Variants in STK3 observed in about 807,000 individuals in gnomAD.
The protein encoded by STK3 is serine/threonine-protein kinase 3.
STK3 carries 41 observed loss-of-function variants against 58.0 expected under a neutral mutation model. The ratio of observed to expected loss-of-function variants is 0.71; its 90% CI spans 0.55 to 0.92. STK3 has a LOEUF of 0.92. Ranked by LOEUF, STK3 falls within the 40% of genes least tolerant of loss-of-function variation. The pLI, the probability that STK3 is intolerant of heterozygous loss-of-function variation, is 0.00. For missense variants in STK3, 479 were observed against 602.7 expected, an observed-to-expected ratio of 0.79 and a Z score of 2.15; for synonymous variants, 170 against 191.0, an observed-to-expected ratio of 0.89 and a Z score of 0.91.
chr8:98,716,923 G>T (rs1442910879), intron 4 of STK3, among the ~76,000 whole-genome samples: 1 of 152,030 alleles, frequency 6.6e-6, no homozygotes, highest in Non-Finnish European at 1.5e-5. Flanking sequence ...AATAGGAAAT[G>T]AACAGTATTT....
intron 1 of STK3, among the ~76,000 whole-genome samples, chr8:98,803,614 A>G (rs1341851224): frequency 6.0e-5 from 9 of 150,806 alleles, no homozygotes; most frequent in East Asian, 1.9e-4. Flanking sequence ...AAAAAGAAAA[A>G]AAAAGAAAAG....
At chr8:98,685,921 T>C (rs938360440) in intron 6 of STK3, among the ~76,000 whole-genome samples, 1 of 152,144 alleles carries the variant, frequency 6.6e-6, no homozygotes, top group Non-Finnish European at 1.5e-5. Flanking sequence ...AAGTAAAGTA[T>C]GTAATGACAA....
intron 6 of STK3, among the ~76,000 whole-genome samples, chr8:98,613,814 A>G (rs1338016355): frequency 6.6e-6 from 1 of 152,148 alleles, no homozygotes; most frequent in Non-Finnish European, 1.5e-5. Context: ...CTAACTTATA[A>G]TATAAAAATA....
chr8:98,615,120 G>A (rs574023267), intron 6 of STK3, among the ~76,000 whole-genome samples: 9 of 151,938 alleles, frequency 5.9e-5, no homozygotes, highest in South Asian at 4.2e-4. Context: ...ATCTGAGAAC[G>A]GGCAGACTAC....
At chr8:98,817,220 G>A (rs924525117) in intron 1 of STK3, among the ~76,000 whole-genome samples, 16 of 152,214 alleles carry the variant, frequency 1.1e-4, no homozygotes, top group African/African-American at 2.4e-4. Context: ...TTGGGAAGCC[G>A]AGGTGGGTGG....
At chr8:98,908,571 C>T (rs772134468) in intron 1 of STK3, among the ~76,000 whole-genome samples, 10 of 152,076 alleles carry the variant, frequency 6.6e-5, no homozygotes, top group Non-Finnish European at 1.0e-4. Context: ...AATGGCTGGG[C>T]GTGGTGGTTC....
Position 98,641,495 on chromosome 8 carries a change from A to G in STK3, c.685-45326T>C, listed in dbSNP as rs541404754. Reference sequence around the variant, plus strand: ...TTCATCCAACAAATACATACTGAGTAACTACTATGGGCCAAGCACTGTTCT... The same window carrying G: ...TTCATCCAACAAATACATACTGAGTGACTACTATGGGCCAAGCACTGTTCT... On this transcript the variant is annotated intron_variant, in intron 6 of 10. Transcript: ENST00000419617. Among the ~76,000 whole-genome samples the G allele has an allele frequency of 4.0e-4, 61 of 152,330 alleles. No individual in the cohort carries two copies. In the South Asian group the frequency reaches 0.012, roughly 30 times the overall value.
chr8:98,618,117 G>T (rs992320066), intron 6 of STK3, among the ~76,000 whole-genome samples: 1 of 151,802 alleles, frequency 6.6e-6, no homozygotes, highest in Admixed American at 6.6e-5. Context: ...TATCCACCAT[G>T]ATCAAGTGGG....
chr8:98,695,848 C>G (rs1305713301), intron 6 of STK3, among the ~76,000 whole-genome samples: 1 of 152,114 alleles, frequency 6.6e-6, no homozygotes, highest in Non-Finnish European at 1.5e-5. Flanking sequence ...GCAATGCGGG[C>G]TCTTTTTGGG....
At chr8:98,883,969 GA>G in intron 1 of STK3, 1 of 479,290 alleles carries the variant, frequency 2.1e-6, no homozygotes, top group South Asian at 3.4e-5. Context: ...GCAATTAAGG[GA>G]GTCATCCTGA....
chr8:98,787,167 C>CAA lies in STK3; in HGVS notation c.27-12350_27-12349dup, dbSNP rs35568354. Among the ~76,000 whole-genome samples the CAA allele has an allele frequency of 2.4e-3, 55 of 22,694 alleles. 7 individuals are homozygous for CAA. The highest frequency in any genetic ancestry group is 3.1e-3 in the Non-Finnish European group (43 of 13,736). The allele number at this position is 22,694 out of a possible 152,430, so 14.9% of individuals were successfully genotyped here. On this transcript the variant is annotated intron_variant, in intron 1 of 10. Coordinates refer to ENST00000419617, the MANE Select transcript of STK3 (RefSeq NM_006281.4). ...CTGGCAACAGAGCGAGACTCCACCT[C>CAA]AAAAAAAAAAAAAAAAAAAAAAAAA...
intron 2 of STK3, among the ~76,000 whole-genome samples, chr8:98,768,795 G>A (rs546461572): frequency 5.3e-5 from 8 of 152,324 alleles, no homozygotes; most frequent in Non-Finnish European, 7.4e-5. Context: ...TGTGAATGAC[G>A]AAAGGAGAAA....
chr8:98,345,232 C>T, the STK3 span, among the ~76,000 whole-genome samples: 1 of 151,926 alleles, frequency 6.6e-6, no homozygotes, highest in Admixed American at 6.6e-5. Flanking sequence ...TACTGCAGGT[C>T]CTCTTGACTT....
chr8:98,621,795 A>T (rs1319708300), intron 6 of STK3, among the ~76,000 whole-genome samples: 1 of 152,092 alleles, frequency 6.6e-6, no homozygotes, highest in African/African-American at 2.4e-5. Context: ...ACCCTGAATA[A>T]AGCAACATAT....
intron 3 of STK3, among the ~76,000 whole-genome samples, chr8:98,425,011 T>A (rs756763442): frequency 1.3e-5 from 2 of 152,146 alleles, no homozygotes; most frequent in African/African-American, 4.8e-5. Flanking sequence ...CAGAGACACC[T>A]TGCAGCCACC....
the STK3 span, among the ~76,000 whole-genome samples, chr8:98,347,432 G>A: frequency 7.3e-5 from 11 of 151,444 alleles, 1 homozygote; most frequent in Middle Eastern, 0.02. Context: ...GGAGAATGGC[G>A]TGAACCCAGG....
chr8:98,728,029 A>G (rs1827905482), intron 4 of STK3, among the ~76,000 whole-genome samples: 1 of 152,200 alleles, frequency 6.6e-6, no homozygotes, highest in East Asian at 1.9e-4. Flanking sequence ...TCATTCATCA[A>G]GCTTCATATT....
At chr8:98,652,072 C>T (rs887959102) in intron 6 of STK3, among the ~76,000 whole-genome samples, 10 of 152,252 alleles carry the variant, frequency 6.6e-5, no homozygotes, top group African/African-American at 2.4e-4. Context: ...ATGTTAAGGG[C>T]AGCCAGAGAG....
At chr8:98,366,042 G>C in the STK3 span, among the ~76,000 whole-genome samples, 518 of 152,226 alleles carry the variant, frequency 3.4e-3, 2 homozygotes, top group Non-Finnish European at 4.2e-3. Context: ...GTTCAGTCAT[G>C]GGTACAAGTG....
Sources: gnomAD v4.1 joint callset for allele counts (sites outside exome capture counted in the v4.1 genomes callset) on GRCh38, gnomAD v4.1.1 for gene constraint, MANE v1.5 for transcripts, NCBI Gene and HGNC (gene_info 2026-07-23, HGNC 2026-07-21) for gene names.